ITGBL1: variants seen among roughly 807,000 people sequenced by gnomAD.
ITGBL1 encodes the protein integrin subunit beta like 1, also known as integrin beta-like protein 1.
A neutral mutation model predicts 68.5 loss-of-function variants in ITGBL1; 51 were observed. That is an observed-to-expected ratio of 0.74 (90% CI 0.59 to 0.94). The LOEUF (loss-of-function observed/expected upper bound fraction) is 0.94. Among genes scored for constraint, ITGBL1 ranks in the 40% least tolerant of loss-of-function variants. The pLI is 0.00. For synonymous variants in ITGBL1, 209 were observed against 227.3 expected (o/e 0.92, Z 0.72); for missense variants, 649 against 647.4 (o/e 1.00, Z -0.03).
chr13:101,653,777 C>T (rs1327239131), intron 7 of ITGBL1, among the ~76,000 whole-genome samples: 1 of 151,888 alleles, frequency 6.6e-6, no homozygotes, highest in African/African-American at 2.4e-5. Context: ...CAACCTCTGC[C>T]TCCTGGGTTT....
rs184174019 is a variant in ITGBL1 at position 101,584,910 on chromosome 13, A to T, written c.868+1554A>T. On this transcript the variant is annotated intron_variant, in intron 6 of 10. Coordinates refer to ENST00000376180, the MANE Select transcript of ITGBL1 (RefSeq NM_004791.3). ...GCAGGAGGCTATTGGATCACAGTGCATGTGGGTTTTATCCTAAAAAAAATA... is the reference window on the plus strand; with the variant it reads ...GCAGGAGGCTATTGGATCACAGTGCTTGTGGGTTTTATCCTAAAAAAAATA... 1.3e-3 allele frequency among the ~76,000 whole-genome samples: 191 copies of T among 151,934 alleles called. 1 individual carries two copies. Among genetic ancestry groups the T allele is most frequent in the Non-Finnish European group, 1.3e-3 (89 of 67,972 alleles).
chr13:101,536,136 A>G (rs1252764221), intron 2 of ITGBL1, among the ~76,000 whole-genome samples: 2 of 151,902 alleles, frequency 1.3e-5, no homozygotes, highest in East Asian at 3.9e-4. Context: ...ATGAGATACC[A>G]TCTCACACCA....
At chr13:101,616,484 T>A (rs2031366320) in intron 7 of ITGBL1, among the ~76,000 whole-genome samples, 1 of 152,126 alleles carries the variant, frequency 6.6e-6, no homozygotes, top group Non-Finnish European at 1.5e-5. Flanking sequence ...TTTCTTTCTT[T>A]TTCTTTTTAT....
intron 7 of ITGBL1, among the ~76,000 whole-genome samples, chr13:101,603,991 A>G (rs2030543756): frequency 6.6e-6 from 1 of 152,016 alleles, no homozygotes. Flanking sequence ...AGAAGTAAAC[A>G]GAACAGAAAC....
At chr13:101,654,125 G>A (rs1212297999) in intron 7 of ITGBL1, among the ~76,000 whole-genome samples, 1 of 152,034 alleles carries the variant, frequency 6.6e-6, no homozygotes, top group African/African-American at 2.4e-5. Flanking sequence ...TGCCAAGTTT[G>A]CCGATTTCAG....
chr13:101,526,134 TTTC>T (rs199659168), intron 2 of ITGBL1, among the ~76,000 whole-genome samples: 20 of 140,324 alleles, frequency 1.4e-4, no homozygotes, highest in Non-Finnish European at 2.7e-4. Context: ...CAAAGGCTAG[TTTC>T]TTCTTCTTCT....
chr13:101,676,232 T>G (rs1304392464), intron 7 of ITGBL1, among the ~76,000 whole-genome samples: 1 of 152,112 alleles, frequency 6.6e-6, no homozygotes, highest in African/African-American at 2.4e-5. Flanking sequence ...TGTTGTTGGT[T>G]TTGGTGTGTT....
At chr13:101,563,876 C>G (rs2050138774) in intron 2 of ITGBL1, among the ~76,000 whole-genome samples, 1 of 151,750 alleles carries the variant, frequency 6.6e-6, no homozygotes, top group African/African-American at 2.4e-5. Flanking sequence ...GATTTATAAA[C>G]ATAGAACACC....
intron 2 of ITGBL1, among the ~76,000 whole-genome samples, chr13:101,508,993 AAAG>A (rs922391466): frequency 2.0e-5 from 3 of 152,202 alleles, no homozygotes; most frequent in African/African-American, 7.2e-5. Flanking sequence ...CACAAACAAA[AAAG>A]AAAAGAAAAG....
intron 2 of ITGBL1, among the ~76,000 whole-genome samples, chr13:101,531,162 T>TA (rs1027814950): frequency 3.4e-4 from 52 of 152,246 alleles, no homozygotes; most frequent in African/African-American, 1.2e-3. Flanking sequence ...CTGTTGATTT[T>TA]AAAAAAACGT....
At chr13:101,624,570 A>T (rs34858299) in intron 7 of ITGBL1, among the ~76,000 whole-genome samples, 12,236 of 152,220 alleles carry the variant, frequency 0.08, 772 homozygotes, top group African/African-American at 0.17. Flanking sequence ...AAGGGAGAAG[A>T]GCTCAGTGAA....
intron 7 of ITGBL1, among the ~76,000 whole-genome samples, chr13:101,652,276 G>T (rs2032777819): frequency 1.3e-5 from 2 of 151,844 alleles, no homozygotes; most frequent in Non-Finnish European, 2.9e-5. Flanking sequence ...AGAGGATCTG[G>T]GCCTGCAGGT....
chr13:101,702,742 A>G (rs527507152), intron 8 of ITGBL1, among the ~76,000 whole-genome samples: 4 of 152,320 alleles, frequency 2.6e-5, no homozygotes, highest in Admixed American at 2.6e-4. Flanking sequence ...CTGGTACTAG[A>G]AGCTCTCTTT....
chr13:101,538,951 A>C (rs1350110175), intron 2 of ITGBL1, among the ~76,000 whole-genome samples: 1 of 152,042 alleles, frequency 6.6e-6, no homozygotes, highest in Non-Finnish European at 1.5e-5. Context: ...GAGGTTAAAT[A>C]ACTTGCTCAA....
intron 8 of ITGBL1, among the ~76,000 whole-genome samples, chr13:101,693,536 G>C (rs1181971557): frequency 6.6e-6 from 1 of 152,070 alleles, no homozygotes; most frequent in Non-Finnish European, 1.5e-5. Flanking sequence ...GGTTGAGGGA[G>C]AGGATCAGGA....
intron 2 of ITGBL1, among the ~76,000 whole-genome samples, chr13:101,542,615 A>G (rs1245434131): frequency 6.6e-6 from 1 of 152,086 alleles, no homozygotes. Context: ...TATCCTTGTT[A>G]ACTTTCTGTC....
At chr13:101,480,427 A>G (rs1223235512) in intron 2 of ITGBL1, among the ~76,000 whole-genome samples, 1 of 152,008 alleles carries the variant, frequency 6.6e-6, no homozygotes, top group Admixed American at 6.6e-5. Flanking sequence ...CAATGATGCT[A>G]TTTTTTCCAT....
Position 101,673,791 on chromosome 13 carries a change from CT to C in ITGBL1, c.1016-18793del, listed in dbSNP as rs560479640. Among the ~76,000 whole-genome samples, 11 of 152,260 alleles carry C rather than the reference CT, an allele frequency of 7.2e-5. No homozygotes were observed. In the South Asian group the frequency reaches 2.3e-3, roughly 32 times the overall value. ...GAGATGATAACCCTTGTCTATGAAA[CT>C]GATGAAGTTGGACTTAACAACGAAC... On this transcript the variant is annotated intron_variant, in intron 7 of 10. Coordinates refer to ENST00000376180, the MANE Select transcript of ITGBL1 (RefSeq NM_004791.3).
chr13:101,469,528 C>A (rs1035741377), intron 2 of ITGBL1, among the ~76,000 whole-genome samples: 1 of 152,044 alleles, frequency 6.6e-6, no homozygotes, highest in Non-Finnish European at 1.5e-5. Flanking sequence ...ACTAAAAATA[C>A]AAAAATTAGC....
Sources: gnomAD v4.1 joint callset for allele counts (sites outside exome capture counted in the v4.1 genomes callset) on GRCh38, gnomAD v4.1.1 for gene constraint, MANE v1.5 for transcripts, NCBI Gene and HGNC (gene_info 2026-07-23, HGNC 2026-07-21) for gene names.